The following SGIP1 variants were observed in gnomAD, a reference collection of about 807,000 sequenced individuals.
The protein encoded by SGIP1 is SH3-containing GRB2-like protein 3-interacting protein 1.
Under a neutral mutation model 107.5 loss-of-function variants are expected in SGIP1, and 38 were observed. The ratio of observed to expected loss-of-function variants is 0.35; its 90% CI spans 0.27 to 0.46. The LOEUF (loss-of-function observed/expected upper bound fraction) is 0.46, where lower values mean the gene tolerates loss of function less well. Among genes scored for constraint, SGIP1 ranks in the 20% least tolerant of loss-of-function variants. The probability of loss-of-function intolerance (pLI) is 1.00; values close to 1 mark genes in which losing one functional copy is unlikely to be tolerated. For synonymous variants in SGIP1, 365 were observed against 366.1 expected, an observed-to-expected ratio of 1.00 and a Z score of 0.03; for missense variants, 929 against 1,019.5, an observed-to-expected ratio of 0.91 and a Z score of 1.21.
chr1:66,538,821 T>C (rs937223811), intron 1 of SGIP1, among the ~76,000 whole-genome samples: 1 of 152,204 alleles, frequency 6.6e-6, no homozygotes, highest in African/African-American at 2.4e-5. Flanking sequence ...AATTATGGCA[T>C]TAAATGTGTT....
In SGIP1 at chr1:66,712,785, A is replaced by G. The variant is rs189434765; in HGVS notation, c.1631-6509A>G. Among the ~76,000 whole-genome samples the G allele has an allele frequency of 6.6e-4, 100 of 152,286 alleles. 1 individual carries two copies. The East Asian group carries it at 0.017, about 26-fold the overall frequency. ...AATTATTTTTAGTCTCAGGCTGTCT[A>G]CATGTGTACATCTGTGTGACCTTGC... On this transcript the variant is annotated intron_variant, in intron 18 of 24. Transcript: ENST00000371037.
At chr1:66,741,173 C>A in intron 23 of SGIP1, 99 bp from the exon 24 acceptor site, 2 of 1,251,848 alleles carry the variant, frequency 1.6e-6, no homozygotes, top group South Asian at 1.8e-5. Flanking sequence ...GTCAAAGAAT[C>A]ATGTCTGATT....
chr1:66,609,048 T>TATCCCACAGGGATGAAGGTCACTTA (rs1476456648), intron 1 of SGIP1, among the ~76,000 whole-genome samples: 1 of 66,576 alleles, frequency 1.5e-5, no homozygotes, highest in Non-Finnish European at 3.2e-5. Flanking sequence ...AAGGTCACTT[T>TATCCCACAGGGATGAAGGTCACTTA]TGACACTTGA....
At chr1:66,557,539 C>T (rs1014572620) in intron 1 of SGIP1, among the ~76,000 whole-genome samples, 2 of 152,080 alleles carry the variant, frequency 1.3e-5, no homozygotes, top group African/African-American at 4.8e-5. Context: ...TTAGACAGAA[C>T]ATACAAAGCA....
chr1:66,533,878 C>G (rs1336503445), upstream of SGIP1, among the ~76,000 whole-genome samples: 1 of 152,050 alleles, frequency 6.6e-6, no homozygotes, highest in Non-Finnish European at 1.5e-5. Context: ...TCTCGGGCAC[C>G]CAGCCGCTTC....
chr1:66,559,532 G>T (rs1159780458), intron 1 of SGIP1, among the ~76,000 whole-genome samples: 2 of 152,018 alleles, frequency 1.3e-5, no homozygotes, highest in Non-Finnish European at 2.9e-5. Flanking sequence ...ACAACAGAAA[G>T]AGCAGAGGGA....
At chr1:66,602,765 C>T (rs1021538954) in intron 1 of SGIP1, among the ~76,000 whole-genome samples, 8 of 152,214 alleles carry the variant, frequency 5.3e-5, no homozygotes, top group East Asian at 3.9e-4. Context: ...TGGCTCACCT[C>T]GAAAATTACT....
intron 19 of SGIP1, among the ~76,000 whole-genome samples, chr1:66,723,994 A>G (rs897118449): frequency 3.3e-5 from 5 of 152,246 alleles, no homozygotes; most frequent in Admixed American, 6.5e-5. Context: ...TTAGTCTTGT[A>G]ATATGAAAAG....
chr1:66,535,879 T>C (rs1389483353), intron 1 of SGIP1, among the ~76,000 whole-genome samples: 2 of 139,542 alleles, frequency 1.4e-5, no homozygotes, highest in Non-Finnish European at 3.1e-5. Flanking sequence ...AGAGGTACTG[T>C]ATTTCTCCAG....
intron 3 of SGIP1, 119 bp from the exon 4 acceptor site, chr1:66,635,825 G>T (rs2075667236): frequency 2.0e-6 from 2 of 1,000,472 alleles, no homozygotes. Flanking sequence ...GTATGATTTG[G>T]CCTAGAGATG....
intron 1 of SGIP1, among the ~76,000 whole-genome samples, chr1:66,587,087 T>C (rs999463328): frequency 6.6e-6 from 1 of 152,134 alleles, no homozygotes; most frequent in African/African-American, 2.4e-5. Context: ...CCTACAATTA[T>C]CATGTCATTT....
intron 1 of SGIP1, among the ~76,000 whole-genome samples, chr1:66,548,306 A>G (rs2056794300): frequency 6.6e-6 from 1 of 151,916 alleles, no homozygotes; most frequent in Admixed American, 6.6e-5. Flanking sequence ...TTTTATTTAA[A>G]TTTTATGTTT....
chr1:66,682,233 C>T lies in SGIP1; in HGVS notation c.1179C>T (p.Tyr393=). The change falls in exon 15 of 25, where the codon TAC becomes TAT. Residue 393 remains tyrosine, a synonymous_variant. Coordinates refer to ENST00000371037, the MANE Select transcript of SGIP1 (RefSeq NM_032291.4). ...VAEQTFIKDD[Y]LETISSPKDF... is the part of the protein sequence containing the mutation. ...AGCAGACCTTCATTAAAGATGATTA[C>T]TTAGAAACAATCTCATCTCCTAAAG... 3 of 1,614,244 alleles carry T rather than the reference C, an allele frequency of 1.9e-6. No individual in the cohort carries two copies. The highest frequency in any genetic ancestry group is 1.7e-6 in the Non-Finnish European group (2 of 1,180,042).
intron 1 of SGIP1, among the ~76,000 whole-genome samples, chr1:66,589,992 C>T (rs2063361709): frequency 6.6e-6 from 1 of 152,010 alleles, no homozygotes; most frequent in African/African-American, 2.4e-5. Flanking sequence ...TGTGAGTTGC[C>T]CCATTCAGGT....
intron 1 of SGIP1, among the ~76,000 whole-genome samples, chr1:66,552,508 T>C (rs1395533554): frequency 1.3e-5 from 2 of 152,092 alleles, no homozygotes; most frequent in Non-Finnish European, 2.9e-5. Flanking sequence ...CCTTTGTTCT[T>C]CCCTCACACA....
chr1:66,698,894 C>G (rs555589844), intron 18 of SGIP1, among the ~76,000 whole-genome samples: 2 of 151,536 alleles, frequency 1.3e-5, no homozygotes, highest in East Asian at 3.9e-4. Flanking sequence ...ACAAAATCAT[C>G]TCGTATGTGG....
At chr1:66,570,515 A>G (rs895871058) in intron 1 of SGIP1, among the ~76,000 whole-genome samples, 1 of 151,914 alleles carries the variant, frequency 6.6e-6, no homozygotes, top group East Asian at 1.9e-4. Flanking sequence ...GAATTTTCAT[A>G]TCCTCTTCCC....
At chr1:66,730,366 T>C (rs1018520655) in intron 20 of SGIP1, among the ~76,000 whole-genome samples, 32 of 152,186 alleles carry the variant, frequency 2.1e-4, no homozygotes, top group African/African-American at 7.2e-4. Flanking sequence ...ATGCATGCTA[T>C]TAAAATGATC....
intron 18 of SGIP1, among the ~76,000 whole-genome samples, chr1:66,716,859 C>G (rs1052268387): frequency 6.6e-5 from 10 of 152,036 alleles, no homozygotes; most frequent in Non-Finnish European, 2.9e-5. Flanking sequence ...GCTAACTCCC[C>G]AAGCCTCATT....
Sources: gnomAD v4.1 joint callset for allele counts (sites outside exome capture counted in the v4.1 genomes callset) on GRCh38, gnomAD v4.1.1 for gene constraint, MANE v1.5 for transcripts, NCBI Gene and HGNC (gene_info 2026-07-23, HGNC 2026-07-21) for gene names.